Variants in NEDD1 observed in about 807,000 individuals in gnomAD.
The protein encoded by NEDD1 is protein NEDD1.
NEDD1 carries 33 observed loss-of-function variants against 74.0 expected under a neutral mutation model. The ratio of observed to expected loss-of-function variants is 0.45; its 90% CI spans 0.34 to 0.60. The LOEUF (loss-of-function observed/expected upper bound fraction) is 0.60. Ranked by LOEUF, NEDD1 falls within the 20% of genes least tolerant of loss-of-function variation. NEDD1 has a pLI of 0.01. For missense variants in NEDD1, 746 were observed against 776.5 expected, an observed-to-expected ratio of 0.96 and a Z score of 0.47; for synonymous variants, 250 against 264.4, an observed-to-expected ratio of 0.95 and a Z score of 0.53.
intron 13 of NEDD1, among the ~76,000 whole-genome samples, chr12:96,945,412 A>G (rs1337748082): frequency 6.6e-6 from 1 of 152,020 alleles, no homozygotes; most frequent in Non-Finnish European, 1.5e-5. Context: ...TTCATCTTTT[A>G]TAAGAGGAAA....
At chr12:96,916,180 C>CT (rs1874416722) in intron 4 of NEDD1, among the ~76,000 whole-genome samples, 2 of 151,310 alleles carry the variant, frequency 1.3e-5, no homozygotes, top group South Asian at 4.2e-4. Flanking sequence ...CTTTGAAAGC[C>CT]AGGTAAATGT....
rs1413230353 is a variant in NEDD1 at position 96,945,271 on chromosome 12, A to C, written c.1655-422A>C. ...ATATAAATATCTATATTTTGCTTGA[A>C]GTTTTCTGTGGATATATATTGCATT... On this transcript the variant is annotated intron_variant, in intron 13 of 15. Transcript: ENST00000266742. Among the ~76,000 whole-genome samples the C allele has an allele frequency of 2.6e-5, 4 of 152,050 alleles. No individual in the cohort carries two copies. In the East Asian group the frequency reaches 7.7e-4, roughly 29 times the overall value.
chr12:96,910,686 A>G (rs1548947), intron 3 of NEDD1, among the ~76,000 whole-genome samples: 55,091 of 152,010 alleles, frequency 0.36, 11,058 homozygotes, highest in Non-Finnish European at 0.42. Flanking sequence ...TCTAGTTGTG[A>G]CAACCCAAAA....
chr12:96,951,811 A>G (rs1416468632), intron 15 of NEDD1, 138 bp from the exon 16 acceptor site: 5 of 577,730 alleles, frequency 8.7e-6, no homozygotes, highest in Non-Finnish European at 1.5e-5. Context: ...ACAAACTAGT[A>G]AGTTGTTAAG....
intron 6 of NEDD1, among the ~76,000 whole-genome samples, chr12:96,927,490 C>A (rs926948600): frequency 1.3e-5 from 2 of 152,222 alleles, no homozygotes; most frequent in African/African-American, 4.8e-5. Flanking sequence ...AGTTTAGCAT[C>A]TTAGGCTCAC....
intron 6 of NEDD1, among the ~76,000 whole-genome samples, chr12:96,933,248 A>G: frequency 6.6e-6 from 1 of 152,134 alleles, no homozygotes; most frequent in East Asian, 1.9e-4. Flanking sequence ...AGAATCTACC[A>G]GGTCTGTGAT....
chr12:96,907,442 G>A lies in NEDD1; in HGVS notation c.-262+142G>A, dbSNP rs535809814. 8.8e-6 allele frequency: 5 copies of A among 565,804 alleles called. No individual in the cohort carries two copies. The East Asian group carries it at 1.3e-4, about 14-fold the overall frequency. 35.0% of individuals were successfully genotyped at this position (565,804 alleles called of 1,614,324 possible). ...TGCGCGCCCGGAGCGGTTGCTGGGCGGGGGCGCGGCGGCGCGCTGGGCTGG... is the reference window on the plus strand; with the variant it reads ...TGCGCGCCCGGAGCGGTTGCTGGGCAGGGGCGCGGCGGCGCGCTGGGCTGG... On this transcript the variant is annotated intron_variant, in intron 1 of 15. Coordinates refer to ENST00000266742, the MANE Select transcript of NEDD1 (RefSeq NM_152905.4).
intron 5 of NEDD1, 81 bp from the exon 6 acceptor site, chr12:96,919,904 T>C (rs1373795523): frequency 1.2e-6 from 1 of 820,274 alleles, no homozygotes. Context: ...AAATACATAA[T>C]GTATGGTATT....
At chr12:96,945,487 TTATATA>T (rs3217159) in intron 13 of NEDD1, among the ~76,000 whole-genome samples, 200 bp from the exon 14 acceptor site, 1 of 152,036 alleles carries the variant, frequency 6.6e-6, no homozygotes, top group Non-Finnish European at 1.5e-5. Context: ...AGCTGGCAGT[TTATATA>T]TATAGATAAA....
chr12:96,929,160 G>A (rs966986835), intron 6 of NEDD1, among the ~76,000 whole-genome samples: 9 of 150,800 alleles, frequency 6.0e-5, no homozygotes, highest in African/African-American at 1.9e-4. Context: ...AAACTTTTTT[G>A]TTATTTCTTT....
chr12:96,941,460 T>C (rs777948159), intron 10 of NEDD1, among the ~76,000 whole-genome samples: 3 of 152,088 alleles, frequency 2.0e-5, no homozygotes, highest in African/African-American at 4.8e-5. Context: ...AATTGCTAAG[T>C]CAAACTGAAA....
chr12:96,907,567 C>G (rs759972578), intron 1 of NEDD1, 37 bp from the exon 2 acceptor site: 21 of 1,544,694 alleles, frequency 1.4e-5, no homozygotes, highest in Non-Finnish European at 1.6e-5. Context: ...AAGTCTGTCT[C>G]CTTTTTTGTC....
At chr12:96,938,037 A>G (rs1198069930) in intron 9 of NEDD1, among the ~76,000 whole-genome samples, 1 of 152,070 alleles carries the variant, frequency 6.6e-6, no homozygotes, top group African/African-American at 2.4e-5. Context: ...GTATACTAGT[A>G]TGTTTCTGAA....
At chr12:96,924,697 C>G in intron 6 of NEDD1, 1 of 290,116 alleles carries the variant, frequency 3.4e-6, no homozygotes, top group Non-Finnish European at 6.6e-6. Flanking sequence ...TTTGGACAGT[C>G]TTGATTCTTT....
intron 6 of NEDD1, among the ~76,000 whole-genome samples, chr12:96,934,207 C>CT (rs34653282): frequency 0.51 from 74,852 of 147,848 alleles, 18,942 homozygotes; most frequent in East Asian, 0.66. Flanking sequence ...AATATTATTG[C>CT]TTTTTTTTTT....
chr12:96,930,876 C>T (rs1795726640), intron 6 of NEDD1, among the ~76,000 whole-genome samples: 1 of 152,154 alleles, frequency 6.6e-6, no homozygotes, highest in Non-Finnish European at 1.5e-5. Context: ...GACGGTCATT[C>T]AGAAACTCTG....
rs553827874 is a variant in NEDD1, at chr12:96,939,190, G to C, written c.1118-1219G>C. On this transcript the variant is annotated intron_variant, in intron 9 of 15. Transcript: ENST00000266742. ...GTTGTCCTGATTCAGTTATTTCAAA[G>C]AACTTCTCTAAACTTGTTATTGGTA... Among the ~76,000 whole-genome samples the C allele has an allele frequency of 4.2e-3, 644 of 152,048 alleles. 5 individuals are homozygous for C. Among genetic ancestry groups the C allele is most frequent in the African/African-American group, 0.015 (602 of 41,516 alleles).
intron 4 of NEDD1, 29 bp downstream of exon 4, chr12:96,912,846 T>C (rs761835850): frequency 6.7e-6 from 8 of 1,186,706 alleles, no homozygotes; most frequent in East Asian, 4.7e-5. Flanking sequence ...TTTTAAACTT[T>C]TAAAAATCTT....
chr12:96,942,189 T>G (rs1347606018), intron 10 of NEDD1, among the ~76,000 whole-genome samples: 3 of 152,102 alleles, frequency 2.0e-5, no homozygotes, highest in Non-Finnish European at 4.4e-5. Flanking sequence ...ATCTGGACAT[T>G]ATCCCCATTT....
Sources: allele counts gnomAD v4.1 joint callset (sites outside exome capture counted in the v4.1 genomes callset), GRCh38; gene constraint gnomAD v4.1.1; transcripts MANE v1.5; gene names NCBI Gene and HGNC (gene_info 2026-07-23, HGNC 2026-07-21).